The following ITGAL variants were observed in gnomAD, a reference collection of about 807,000 sequenced individuals.
ITGAL encodes the protein integrin alpha-L.
A neutral mutation model predicts 138.4 loss-of-function variants in ITGAL; 68 were observed. The observed-to-expected ratio is 0.49, with a 90% CI of 0.40 to 0.60. The LOEUF (loss-of-function observed/expected upper bound fraction) is 0.60, where lower values mean the gene tolerates loss of function less well. Among genes scored for constraint, ITGAL ranks in the 20% least tolerant of loss-of-function variants. The pLI, the probability that ITGAL is intolerant of heterozygous loss-of-function variation, is 0.00. For missense variants in ITGAL, 1,256 were observed against 1,478.6 expected (o/e 0.85, Z 2.47); for synonymous variants, 561 against 584.3 (o/e 0.96, Z 0.57).
At chr16:30,499,733 A>ATGTGTATATATATATATATATTTT in intron 17 of ITGAL, among the ~76,000 whole-genome samples, 29 of 88,362 alleles carry the variant, frequency 3.3e-4, no homozygotes, top group South Asian at 1.4e-3. Flanking sequence ...ATATATATAT[A>ATGTGTATATATATATATATATTTT]TTTTTTTTTT....
rs142620368 is a variant in ITGAL, at chr16:30,483,943, T to G, written c.839T>G (p.Ile280Ser). The change falls in exon 8 of 31, where the codon ATC becomes AGC. Residue 280 changes from isoleucine to serine, a missense_variant. Around this residue, in one of 3 missense-constraint regions of ITGAL, gnomAD observed 177 missense variants for 288.8 expected, o/e 0.61. Transcript: ENST00000356798. ...AACATCGATGCGGCCAAAGACATCA[T>G]CCGCTACATCATCGGGGTAGGGCCC... ...SGNIDAAKDI[I>S]RYIIGIGKHF... The G allele has an allele frequency of 6.2e-6, 10 of 1,613,362 alleles. No individual in the cohort carries two copies. In the Admixed American group the frequency reaches 1.7e-4, roughly 27 times the overall value.
At chr16:30,504,376 C>T (rs1017905356) in intron 18 of ITGAL, 112 bp downstream of exon 18, 6 of 803,286 alleles carry the variant, frequency 7.5e-6, no homozygotes, top group Non-Finnish European at 1.3e-5. Flanking sequence ...CTTTGGGAGG[C>T]TGAAGTGGGT....
chr16:30,490,396 G>C (rs1597077618), intron 11 of ITGAL, among the ~76,000 whole-genome samples: 2 of 152,050 alleles, frequency 1.3e-5, no homozygotes, highest in Non-Finnish European at 2.9e-5. Context: ...CTATAGCCCA[G>C]AGCCAGCCAA....
chr16:30,479,268 C>A lies in ITGAL; in HGVS notation c.445+60C>A, dbSNP rs938189944. 4.3e-6 allele frequency: 7 copies of A among 1,612,698 alleles called. No homozygotes were observed. In the African/African-American group the frequency reaches 9.4e-5, roughly 22 times the overall value. On this transcript the variant is annotated intron_variant, in intron 5 of 30. Transcript: ENST00000356798. ...TCCAAATGGCTGTCCCTAGAGAGAA[C>A]CAGCATGGGCAGGTCAAACACCAGA... is the stretch of plus-strand genomic sequence containing the variant.
chr16:30,499,733 A>ATACGTATATATATATATATATATTT, intron 17 of ITGAL, among the ~76,000 whole-genome samples: 2 of 88,386 alleles, frequency 2.3e-5, no homozygotes, highest in African/African-American at 1.2e-4. Flanking sequence ...ATATATATAT[A>ATACGTATATATATATATATATATTT]TTTTTTTTTT....
intron 7 of ITGAL, 144 bp from the exon 8 acceptor site, chr16:30,483,683 G>A: frequency 1.2e-6 from 1 of 819,958 alleles, no homozygotes; most frequent in Non-Finnish European, 1.9e-6. Context: ...AGAGGTGACT[G>A]CTGCAGGCTT....
chr16:30,517,296 A>C (rs1312517067), intron 26 of ITGAL, among the ~76,000 whole-genome samples: 1 of 151,956 alleles, frequency 6.6e-6, no homozygotes, highest in Non-Finnish European at 1.5e-5. Flanking sequence ...CTACAAACAA[A>C]TTTTAAAATT....
chr16:30,499,729 A>ATGTG (rs1252031149), intron 17 of ITGAL, among the ~76,000 whole-genome samples: 1 of 105,588 alleles, frequency 9.5e-6, no homozygotes, highest in Non-Finnish European at 1.7e-5. Flanking sequence ...ATATATATAT[A>ATGTG]TATATTTTTT....
At position 30,521,193 on chromosome 16, in the gene ITGAL, G is replaced by C. The variant is rs527873198; in HGVS notation, c.3340-299G>C. ...AGGCCAAGGAGGGCAGATCACTTGA[G>C]GTCAGGAGTTCAAGACCAGCCTGGC... On this transcript the variant is annotated intron_variant, in intron 30 of 30. Coordinates refer to ENST00000356798, the MANE Select transcript of ITGAL (RefSeq NM_002209.3). 2.6e-5 allele frequency among the ~76,000 whole-genome samples: 4 copies of C among 152,142 alleles called. No homozygotes were observed. The East Asian group carries it at 7.7e-4, about 29-fold the overall frequency.
chr16:30,512,846 G>A (rs2051109204), intron 24 of ITGAL, among the ~76,000 whole-genome samples: 1 of 152,002 alleles, frequency 6.6e-6, no homozygotes, highest in Non-Finnish European at 1.5e-5. Context: ...GACTACAGGT[G>A]CCTGCCACCA....
chr16:30,499,733 A>ATACGTATATATATATATATATATATATAT lies in ITGAL; in HGVS notation c.2145+245_2145+246insACGTATATATATATATATATATATATATT. Among the ~76,000 whole-genome samples, 3 of 88,368 alleles carry ATACGTATATATATATATATATATATATAT rather than the reference A, an allele frequency of 3.4e-5. No individual in the cohort carries two copies. The East Asian group carries it at 1.0e-3, about 30-fold the overall frequency. 58.0% of individuals were successfully genotyped at this position (88,368 alleles called of 152,430 possible). A position where few individuals can be genotyped will look rare whatever the true frequency, so the allele number is the denominator to read the frequency against. On this transcript the variant is annotated intron_variant, in intron 17 of 30. Transcript: ENST00000356798. Reference sequence around the variant, plus strand: ...TATATGTATATATATATATATATATATTTTTTTTTTTTTGACACAGAGTCT... The same window carrying ATACGTATATATATATATATATATATATAT: ...TATATGTATATATATATATATATATATACGTATATATATATATATATATATATATTTTTTTTTTTTTTGACACAGAGTCT...
chr16:30,517,272 C>A (rs1240754921), intron 26 of ITGAL, among the ~76,000 whole-genome samples, 186 bp downstream of exon 26: 1 of 152,088 alleles, frequency 6.6e-6, no homozygotes, highest in Non-Finnish European at 1.5e-5. Context: ...GGCAACATAG[C>A]ACAACTCCAG....
chr16:30,521,559 C>T lies in ITGAL; in HGVS notation c.3407C>T (p.Pro1136Leu), dbSNP rs548488325. 104 of 1,614,208 alleles carry T rather than the reference C, an allele frequency of 6.4e-5. 1 individual carries two copies. The South Asian group carries it at 1.1e-3, about 17-fold the overall frequency. ...GGCAGAGGTGTCCCGAATGGAATCC[C>T]TGCAGAAGACTCTGAGCAGCTGGCA... is the stretch of plus-strand genomic sequence containing the variant. ...EAGRGVPNGIPAEDSEQLASG... is the reference protein window; with the variant it reads ...EAGRGVPNGILAEDSEQLASG... The change falls in exon 31 of 31, where the codon CCT becomes CTT. Residue 1136 changes from proline to leucine, a missense_variant. Physicochemically the swap from Pro to Leu is moderately conservative, Grantham distance 98. Around this residue, in one of 3 missense-constraint regions of ITGAL, gnomAD observed 867 missense variants for 972.5 expected, o/e 0.89. Coordinates refer to ENST00000356798, the MANE Select transcript of ITGAL (RefSeq NM_002209.3).
At chr16:30,499,733 A>ATGTGTATATATATATATATATATATTTT in intron 17 of ITGAL, among the ~76,000 whole-genome samples, 1 of 88,384 alleles carries the variant, frequency 1.1e-5, no homozygotes, top group Non-Finnish European at 1.9e-5. Context: ...ATATATATAT[A>ATGTGTATATATATATATATATATATTTT]TTTTTTTTTT....
chr16:30,474,207 A>G lies in ITGAL; in HGVS notation c.73A>G (p.Ser25Gly). ...SGFFFFAPASSYNLDVRGARS... is the reference protein window; with the variant it reads ...SGFFFFAPASGYNLDVRGARS... ...CTTGCCTTCCTCAGCGCCGGCCTCG[A>G]GCTACAACCTGGACGTGCGGGGCGC... The change falls in exon 2 of 31, where the codon AGC becomes GGC. Residue 25 changes from serine (S) to glycine (G), a missense_variant. Ser to Gly is a moderately conservative substitution (Grantham distance 56). Transcript: ENST00000356798. The G allele has an allele frequency of 6.2e-7, 1 of 1,604,880 alleles. No homozygotes were observed. The highest frequency in any genetic ancestry group is 8.5e-7 in the Non-Finnish European group (1 of 1,176,136).
rs35660597 is a variant in ITGAL at position 30,521,899 on chromosome 16, C to G, written c.*234C>G. ...CTGCAAAAGTGAGGGCTTGTCATTA[C>G]CAGACGGTTCACCAGCCTCTCTTGG... On this transcript the variant is annotated 3_prime_UTR_variant, in exon 31 of 31. Transcript: ENST00000356798. 4.0e-3 allele frequency: 1,944 copies of G among 484,758 alleles called. 30 individuals are homozygous for G. The highest frequency in any genetic ancestry group is 0.034 in the African/African-American group (1,767 of 51,500). 30.0% of individuals were successfully genotyped at this position (484,758 alleles called of 1,614,324 possible). A position where few individuals can be genotyped will look rare whatever the true frequency, so the allele number is the denominator to read the frequency against.
In ITGAL at chr16:30,472,900, T is replaced by C; in HGVS notation, c.61+2T>C. ...TGCTGTCTGGGTTCTTTTTCTTCGGTAGGCAAGGGAGGAGGCAGGGGAAGG... is the reference window on the plus strand; with the variant it reads ...TGCTGTCTGGGTTCTTTTTCTTCGGCAGGCAAGGGAGGAGGCAGGGGAAGG... On this transcript the variant is annotated splice_donor_variant, in intron 1 of 30. Coordinates refer to ENST00000356798, the MANE Select transcript of ITGAL (RefSeq NM_002209.3). LOFTEE classifies it high-confidence loss of function. The C allele has an allele frequency of 6.2e-7, 1 of 1,612,506 alleles. No homozygotes were observed. Among genetic ancestry groups the C allele is most frequent in the Non-Finnish European group, 8.5e-7 (1 of 1,179,564 alleles).
At chr16:30,491,158 T>C (rs2050719066) in intron 11 of ITGAL, among the ~76,000 whole-genome samples, 1 of 151,636 alleles carries the variant, frequency 6.6e-6, no homozygotes, top group Non-Finnish European at 1.5e-5. Flanking sequence ...CCCAGCACTT[T>C]GGGAAGCTGA....
chr16:30,474,238 G>A lies in ITGAL; in HGVS notation c.104G>A (p.Ser35Asn). ...AACCTGGACGTGCGGGGCGCGCGGA[G>A]CTTCTCCCCACCGCGCGCCGGGAGG... ...SYNLDVRGAR[S>N]FSPPRAGRHF... Residue 35 changes from serine (S) to asparagine (N), a missense_variant, in exon 2 of 31, where the codon AGC becomes AAC. Physicochemically the swap from Ser to Asn is conservative, Grantham distance 46 (BLOSUM62 1). Around this residue, in one of 3 missense-constraint regions of ITGAL, gnomAD observed 212 missense variants for 217.4 expected, o/e 0.98. Coordinates refer to ENST00000356798, the MANE Select transcript of ITGAL (RefSeq NM_002209.3). 6.2e-7 allele frequency: 1 copy of A among 1,609,174 alleles called. No individual in the cohort carries two copies. The highest frequency in any genetic ancestry group is 8.5e-7 in the Non-Finnish European group (1 of 1,178,022).
Sources: gnomAD v4.1 joint callset for allele counts (sites outside exome capture counted in the v4.1 genomes callset) on GRCh38, gnomAD v4.1.1 for gene constraint, gnomAD v4.1.1 regional missense constraint, MANE v1.5 for transcripts, NCBI Gene and HGNC (gene_info 2026-07-23, HGNC 2026-07-21) for gene names.